The following SLC28A1 variants were observed in gnomAD, a reference collection of about 807,000 sequenced individuals.
SLC28A1 encodes solute carrier family 28 member 1, also known as sodium/nucleoside cotransporter 1.
In SLC28A1, 64 loss-of-function variants were observed where a neutral mutation model predicts 74.8. That is an observed-to-expected ratio of 0.86 (90% confidence interval 0.70 to 1.05). The LOEUF (loss-of-function observed/expected upper bound fraction) is 1.05, where lower values mean the gene tolerates loss of function less well. Among genes scored for constraint, SLC28A1 ranks in the 50% least tolerant of loss-of-function variants. SLC28A1 has a pLI of 0.00. For missense variants in SLC28A1, 828 were observed against 822.8 expected (o/e 1.01, Z -0.08); for synonymous variants, 359 against 335.0 (o/e 1.07, Z -0.78).
the SLC28A1 span, among the ~76,000 whole-genome samples, chr15:84,959,305 A>G: frequency 6.6e-6 from 1 of 151,642 alleles, no homozygotes; most frequent in South Asian, 2.1e-4. Context: ...GGGTTTTGCC[A>G]TGTTGGCCAG....
the SLC28A1 span, among the ~76,000 whole-genome samples, chr15:84,958,783 TTTTTA>T: frequency 6.6e-6 from 1 of 152,044 alleles, no homozygotes; most frequent in African/African-American, 2.4e-5. Context: ...CTCAAAATTT[TTTTTA>T]TTTTATTTTT....
the SLC28A1 span, among the ~76,000 whole-genome samples, chr15:84,955,301 G>A: frequency 5.9e-5 from 9 of 152,316 alleles, no homozygotes; most frequent in Non-Finnish European, 1.0e-4. Context: ...ATGGATGGTA[G>A]TGGTTTTATG....
chr15:84,951,181 C>G, the SLC28A1 span, among the ~76,000 whole-genome samples: 1 of 152,094 alleles, frequency 6.6e-6, no homozygotes, highest in Non-Finnish European at 1.5e-5. Context: ...GAGGCCGTGG[C>G]TCGCCTCTGT....
intron 5 of SLC28A1, 28 bp downstream of exon 5, chr15:84,890,562 GACAC>G (rs1177979181): frequency 6.5e-7 from 1 of 1,536,170 alleles, no homozygotes; most frequent in Non-Finnish European, 8.9e-7. Context: ...CACTACCCAG[GACAC>G]AATGACTCCT....
Position 84,888,752 on chromosome 15 carries a change from C to T in SLC28A1, c.97-20C>T, listed in dbSNP as rs543809231. The T allele has an allele frequency of 1.6e-5, 24 of 1,537,802 alleles. No homozygotes were observed. Among genetic ancestry groups the T allele is most frequent in the South Asian group, 3.6e-5 (3 of 83,778 alleles). On this transcript the variant is annotated intron_variant, in intron 3 of 18. Coordinates refer to ENST00000394573, the MANE Select transcript of SLC28A1 (RefSeq NM_004213.5). ...GTGGGTAAGGGGCAGGCCGACCTGACGGCTCCCTGCGGGCTGTAGGAGGAA... is the reference window on the plus strand; with the variant it reads ...GTGGGTAAGGGGCAGGCCGACCTGATGGCTCCCTGCGGGCTGTAGGAGGAA...
intron 15 of SLC28A1, among the ~76,000 whole-genome samples, chr15:84,942,705 TG>T (rs2142053291): frequency 6.6e-6 from 1 of 152,298 alleles, no homozygotes; most frequent in East Asian, 1.9e-4. Flanking sequence ...CTCTTTCCTG[TG>T]GGCCATACTC....
downstream of SLC28A1, among the ~76,000 whole-genome samples, chr15:84,947,723 A>G (rs2079281348): frequency 6.6e-6 from 1 of 152,136 alleles, no homozygotes. Flanking sequence ...CCTCTTGCAT[A>G]AGGACACTAA....
intron 2 of SLC28A1, 166 bp from the exon 3 acceptor site, chr15:84,887,579 A>G: frequency 1.0e-6 from 1 of 985,386 alleles, no homozygotes; most frequent in Non-Finnish European, 1.2e-6. Flanking sequence ...TCCCAGTCAC[A>G]AGGAGGGGTG....
chr15:84,887,695 C>T (rs1964757918), intron 2 of SLC28A1, 50 bp from the exon 3 acceptor site: 3 of 1,593,254 alleles, frequency 1.9e-6, no homozygotes, highest in African/African-American at 1.3e-5. Flanking sequence ...TAAACTGGGC[C>T]CTGCCCGGCC....
intron 6 of SLC28A1, among the ~76,000 whole-genome samples, chr15:84,899,944 G>A (rs11630444): frequency 2.2e-4 from 13 of 60,440 alleles, no homozygotes; most frequent in African/African-American, 6.0e-4. Flanking sequence ...AGAAAGAAAG[G>A]AAGGAAGGAA....
At chr15:84,961,846 G>A in the SLC28A1 span, among the ~76,000 whole-genome samples, 1 of 152,146 alleles carries the variant, frequency 6.6e-6, no homozygotes, top group Non-Finnish European at 1.5e-5. Flanking sequence ...CAGCACCTAC[G>A]ACAGAGATAC....
At chr15:84,910,583 C>T (rs910047571) in intron 9 of SLC28A1, among the ~76,000 whole-genome samples, 16 of 152,226 alleles carry the variant, frequency 1.1e-4, no homozygotes, top group Non-Finnish European at 2.2e-4. Flanking sequence ...ACAAAATTAG[C>T]CAAGTGTGGT....
chr15:84,927,679 C>T (rs1054356909), intron 12 of SLC28A1, among the ~76,000 whole-genome samples: 1 of 152,162 alleles, frequency 6.6e-6, no homozygotes, highest in Non-Finnish European at 1.5e-5. Context: ...AAAAGGGCTT[C>T]TGGTCTCCGT....
chr15:84,912,451 C>T (rs1328213169), intron 9 of SLC28A1, among the ~76,000 whole-genome samples: 1 of 152,154 alleles, frequency 6.6e-6, no homozygotes, highest in Admixed American at 6.5e-5. Flanking sequence ...AGGGCTTCTT[C>T]AGCCCTCAGC....
chr15:84,903,317 A>G (rs1303450548), intron 6 of SLC28A1, among the ~76,000 whole-genome samples: 1 of 152,208 alleles, frequency 6.6e-6, no homozygotes, highest in South Asian at 2.1e-4. Context: ...CACTTTCTAG[A>G]TGAGTGGCCT....
At chr15:84,933,882 C>G (rs767258763) in intron 13 of SLC28A1, among the ~76,000 whole-genome samples, 2 of 152,118 alleles carry the variant, frequency 1.3e-5, no homozygotes, top group African/African-American at 4.8e-5. Context: ...GGCTGAGGCA[C>G]GAGAATTGCT....
At chr15:84,933,463 T>C (rs921835691) in intron 13 of SLC28A1, among the ~76,000 whole-genome samples, 188 bp downstream of exon 13, 2 of 152,224 alleles carry the variant, frequency 1.3e-5, no homozygotes, top group African/African-American at 4.8e-5. Flanking sequence ...ACAGAAATCC[T>C]GAAACTGGGT....
At chr15:84,956,056 G>A in the SLC28A1 span, among the ~76,000 whole-genome samples, 19 of 152,194 alleles carry the variant, frequency 1.2e-4, no homozygotes, top group Admixed American at 6.5e-5. Flanking sequence ...AAACATTTCG[G>A]TAATTCCCTC....
the SLC28A1 span, among the ~76,000 whole-genome samples, chr15:84,964,989 C>A: frequency 6.6e-6 from 1 of 152,158 alleles, no homozygotes; most frequent in African/African-American, 2.4e-5. Context: ...TTTGAAGATC[C>A]TCAGTATGGA....
Sources: allele counts gnomAD v4.1 joint callset (sites outside exome capture counted in the v4.1 genomes callset), GRCh38; gene constraint gnomAD v4.1.1; transcripts MANE v1.5; gene names NCBI Gene and HGNC (gene_info 2026-07-23, HGNC 2026-07-21).